Variants in NME9 observed in about 807,000 individuals in gnomAD.
NME9 encodes the protein thioredoxin domain-containing protein 6.
In NME9, 48 loss-of-function variants were observed where a neutral mutation model predicts 44.4. That is an observed-to-expected ratio of 1.08 (90% CI 0.86 to 1.37). NME9 has a LOEUF of 1.37. Among genes scored for constraint, NME9 ranks in the 40% most tolerant of loss-of-function variants. The pLI is 0.00. For synonymous variants in NME9, 139 were observed against 147.1 expected (o/e 0.94, Z 0.40); for missense variants, 325 against 405.2 (o/e 0.80, Z 1.70).
Position 138,325,042 on chromosome 3 carries a change from G to T in NME9, c.34-112C>A, listed in dbSNP as rs1259787756. 6.0e-6 allele frequency: 5 copies of T among 837,432 alleles called. No individual in the cohort carries two copies. In the South Asian group the frequency reaches 6.2e-5, roughly 10 times the overall value. 51.9% of individuals were successfully genotyped at this position (837,432 alleles called of 1,614,324 possible). A position where few individuals can be genotyped will look rare whatever the true frequency, so the allele number is the denominator to read the frequency against. On this transcript the variant is annotated intron_variant, in intron 1 of 10. Coordinates refer to ENST00000333911, the MANE Select transcript of NME9 (RefSeq NM_001349018.2). ...TATCTCTGAAATACTTACAAGTACA[G>T]TTCAAGTTATCCTCTCCCCCATCTT...
At chr3:138,267,107 A>G (rs2048355224) in intron 8 of NME9, 2 of 954,048 alleles carry the variant, frequency 2.1e-6, no homozygotes, top group East Asian at 2.6e-5. Flanking sequence ...TTTATATCTC[A>G]TCTTCATCAT....
At chr3:138,325,796 ATT>A (rs35102089) in intron 1 of NME9, among the ~76,000 whole-genome samples, 8,204 of 140,276 alleles carry the variant, frequency 0.058, 216 homozygotes, top group South Asian at 0.11. Flanking sequence ...AGATTTAGGG[ATT>A]TTTTTTTTTT....
intron 2 of NME9, among the ~76,000 whole-genome samples, chr3:138,320,209 G>C (rs1240032180): frequency 1.3e-5 from 2 of 152,210 alleles, no homozygotes; most frequent in Admixed American, 1.3e-4. Context: ...TCTCATCTGA[G>C]TGTTGTGAAC....
At chr3:138,288,872 G>A (rs960906133) in intron 8 of NME9, 2 of 544,494 alleles carry the variant, frequency 3.7e-6, no homozygotes, top group African/African-American at 1.9e-5. Context: ...ACCTGACCTC[G>A]ATCTTCCACC....
intron 8 of NME9, chr3:138,264,259 G>T (rs759518418): frequency 2.7e-6 from 4 of 1,470,774 alleles, no homozygotes; most frequent in Non-Finnish European, 3.8e-6. Context: ...ACAGACCCTA[G>T]AGTGAGCTGA....
intron 8 of NME9, among the ~76,000 whole-genome samples, chr3:138,284,199 G>C (rs1244049919): frequency 6.6e-6 from 1 of 152,194 alleles, no homozygotes; most frequent in Non-Finnish European, 1.5e-5. Context: ...GCTTCCCATA[G>C]CTCAGGAAGA....
At position 138,304,862 on chromosome 3, in the gene NME9, G is replaced by T; in HGVS notation, c.791+11C>A. 1 of 1,612,890 alleles carries T rather than the reference G, an allele frequency of 6.2e-7. No homozygotes were observed. Among genetic ancestry groups the T allele is most frequent in the Non-Finnish European group, 8.5e-7 (1 of 1,179,282 alleles). ...TAAGATGGATGAAAGGACCACAGCTGGTGACATCACCTTTCTGGCTGCTCC... is the reference window on the plus strand; with the variant it reads ...TAAGATGGATGAAAGGACCACAGCTTGTGACATCACCTTTCTGGCTGCTCC... On this transcript the variant is annotated intron_variant, in intron 9 of 10. Transcript: ENST00000333911.
intron 6 of NME9, among the ~76,000 whole-genome samples, chr3:138,308,067 C>T (rs529818366): frequency 7.9e-5 from 12 of 152,166 alleles, no homozygotes; most frequent in Non-Finnish European, 1.5e-4. Context: ...AGGGCGGTAT[C>T]TTAGATGGTT....
At chr3:138,308,039 G>A (rs1434572647) in intron 6 of NME9, among the ~76,000 whole-genome samples, 1 of 152,156 alleles carries the variant, frequency 6.6e-6, no homozygotes, top group Non-Finnish European at 1.5e-5. Context: ...TGAATAAGAG[G>A]AAGGCTAAGG....
intron 8 of NME9, chr3:138,273,020 G>T: frequency 6.2e-7 from 1 of 1,611,160 alleles, no homozygotes; most frequent in South Asian, 1.1e-5. Context: ...TACGAAGCTT[G>T]AGTACTGAAC....
chr3:138,315,520 C>A lies in NME9; in HGVS notation c.384+7G>T. The A allele has an allele frequency of 6.5e-7, 1 of 1,531,156 alleles. No homozygotes were observed. 94.8% of individuals were successfully genotyped at this position (1,531,156 alleles called of 1,614,324 possible). A position where few individuals can be genotyped will look rare whatever the true frequency, so the allele number is the denominator to read the frequency against. On this transcript the variant is annotated splice_region_variant and intron_variant, in intron 5 of 10. Coordinates refer to ENST00000333911, the MANE Select transcript of NME9 (RefSeq NM_001349018.2). ...GTTAGCTGCTTATAGAAGTGACCTC[C>A]AGTTACCACTTTCCGTTCTCTGCCT...
At chr3:138,299,148 T>C (rs1240144227), downstream of NME9, among the ~76,000 whole-genome samples, 1 of 152,142 alleles carries the variant, frequency 6.6e-6, no homozygotes, top group African/African-American at 2.4e-5. Context: ...CTTGCCTGTT[T>C]ACTGGGCAGA....
chr3:138,322,720 G>C (rs1221336018), intron 2 of NME9, among the ~76,000 whole-genome samples: 1 of 152,118 alleles, frequency 6.6e-6, no homozygotes, highest in East Asian at 1.9e-4. Flanking sequence ...CTGATGAGAA[G>C]GAGCAAAGAG....
chr3:138,291,044 C>T (rs890418049), intron 8 of NME9, among the ~76,000 whole-genome samples: 2 of 152,218 alleles, frequency 1.3e-5, no homozygotes, highest in Admixed American at 6.5e-5. Flanking sequence ...GATACAAAAG[C>T]TACCACTAAG....
chr3:138,289,598 G>A (rs2050750953), intron 8 of NME9, among the ~76,000 whole-genome samples: 1 of 152,114 alleles, frequency 6.6e-6, no homozygotes, highest in South Asian at 2.1e-4. Context: ...ATAGATCAGA[G>A]GTTCTTTACT....
intron 8 of NME9, among the ~76,000 whole-genome samples, chr3:138,286,847 C>T (rs780068663): frequency 9.9e-5 from 15 of 152,208 alleles, no homozygotes; most frequent in Non-Finnish European, 2.1e-4. Flanking sequence ...CTCTTCCAAA[C>T]TCTGGACTTA....
At chr3:138,268,378 C>T (rs1414007422) in intron 8 of NME9, among the ~76,000 whole-genome samples, 1 of 152,192 alleles carries the variant, frequency 6.6e-6, no homozygotes, top group African/African-American at 2.4e-5. Context: ...CCAGAGCTTC[C>T]ATCAGTTCTC....
At position 138,302,428 on chromosome 3, in the gene NME9, C is replaced by G. The variant is rs548139768; in HGVS notation, c.929-724G>C. ...AGCCATTTGCTTCCAATCACCACCCCCCATTCCCAAAAGCTTGAAGGTGCC... is the reference window on the plus strand; with the variant it reads ...AGCCATTTGCTTCCAATCACCACCCGCCATTCCCAAAAGCTTGAAGGTGCC... On this transcript the variant is annotated intron_variant, in intron 10 of 10. Coordinates refer to ENST00000333911, the MANE Select transcript of NME9 (RefSeq NM_001349018.2). 1.4e-4 allele frequency among the ~76,000 whole-genome samples: 21 copies of G among 152,300 alleles called. No homozygotes were observed. In the East Asian group the frequency reaches 2.7e-3, roughly 20 times the overall value.
intron 9 of NME9, 35 bp downstream of exon 9, chr3:138,304,838 A>C (rs1206900116): frequency 4.4e-6 from 7 of 1,603,586 alleles, no homozygotes; most frequent in Non-Finnish European, 5.1e-6. Context: ...TGCAGGTTTT[A>C]AGATGGATGA....
Sources: gnomAD v4.1 joint callset for allele counts (sites outside exome capture counted in the v4.1 genomes callset) on GRCh38, gnomAD v4.1.1 for gene constraint, MANE v1.5 for transcripts, NCBI Gene and HGNC (gene_info 2026-07-23, HGNC 2026-07-21) for gene names.